The following LMX1A variants were observed in gnomAD, a reference collection of about 807,000 sequenced individuals.
LMX1A encodes LIM homeobox transcription factor 1 alpha, also known as LIM homeobox transcription factor 1-alpha.
Under a neutral mutation model 49.1 loss-of-function variants are expected in LMX1A, and 15 were observed. The ratio of observed to expected loss-of-function variants is 0.31; its 90% CI spans 0.20 to 0.47. LMX1A has a LOEUF of 0.47. LMX1A is among the 20% of genes least tolerant of loss of function. The pLI is 1.00. For synonymous variants in LMX1A, 167 were observed against 185.7 expected, an observed-to-expected ratio of 0.90 and a Z score of 0.82; for missense variants, 372 against 475.8, an observed-to-expected ratio of 0.78 and a Z score of 2.03.
Position 165,349,924 on chromosome 1 carries a change from T to C in LMX1A, c.263+3152A>G, listed in dbSNP as rs114914280. On this transcript the variant is annotated intron_variant, in intron 3 of 8. Transcript: ENST00000342310. ...ATACAGATGGCTAAGATAAATGTGA[T>C]AAACTTGCTTTGTTAATATTATGCC... 7.2e-3 allele frequency among the ~76,000 whole-genome samples: 1,098 copies of C among 152,290 alleles called. 14 individuals are homozygous for C. The highest frequency in any genetic ancestry group is 0.025 in the African/African-American group (1,025 of 41,546).
At chr1:165,251,449 G>C (rs144536111) in intron 3 of LMX1A, among the ~76,000 whole-genome samples, 1 of 152,142 alleles carries the variant, frequency 6.6e-6, no homozygotes, top group Admixed American at 6.5e-5. Flanking sequence ...ATGAAAAGTG[G>C]AATGGAAATG....
intron 3 of LMX1A, among the ~76,000 whole-genome samples, chr1:165,307,299 T>C (rs919105456): frequency 6.6e-6 from 1 of 152,252 alleles, no homozygotes; most frequent in Non-Finnish European, 1.5e-5. Flanking sequence ...TTCACAGCTC[T>C]GTCCATCAAA....
chr1:165,224,494 T>C (rs373277323), intron 4 of LMX1A, among the ~76,000 whole-genome samples: 5 of 152,178 alleles, frequency 3.3e-5, no homozygotes, highest in African/African-American at 9.7e-5. Flanking sequence ...ATCTAGTTAA[T>C]GGTAAGAAAT....
At chr1:165,300,650 C>G (rs910291490) in intron 3 of LMX1A, among the ~76,000 whole-genome samples, 1 of 152,230 alleles carries the variant, frequency 6.6e-6, no homozygotes, top group African/African-American at 2.4e-5. Context: ...GTCCCCATGA[C>G]AGCTCCCTGG....
chr1:165,281,766 G>GTGTGTC (rs1553208524), intron 3 of LMX1A, among the ~76,000 whole-genome samples: 1 of 152,046 alleles, frequency 6.6e-6, no homozygotes, highest in African/African-American at 2.4e-5. Context: ...GTGTGTGTGT[G>GTGTGTC]TGTGTGTGTG....
chr1:165,208,917 G>A (rs553402237), intron 6 of LMX1A, among the ~76,000 whole-genome samples: 1 of 152,308 alleles, frequency 6.6e-6, no homozygotes, highest in African/African-American at 2.4e-5. Flanking sequence ...AGAGGGCTGG[G>A]ATTACAAGCG....
At chr1:165,218,732 CT>C (rs1453121412) in intron 4 of LMX1A, 1 of 152,196 alleles carries the variant, frequency 6.6e-6, no homozygotes, top group Non-Finnish European at 1.5e-5. Context: ...AAGAGGAGTA[CT>C]GGAGAGCAGA....
chr1:165,206,154 C>G, intron 7 of LMX1A, 120 bp from the exon 8 acceptor site: 3 of 899,780 alleles, frequency 3.3e-6, no homozygotes. Flanking sequence ...GTGGTCCCAG[C>G]CTTTGTCCTA....
chr1:165,218,944 C>T (rs1419622049), intron 4 of LMX1A: 1 of 152,268 alleles, frequency 6.6e-6, no homozygotes, highest in Non-Finnish European at 1.5e-5. Context: ...GCCGTTTAGA[C>T]ACAAACGCAG....
chr1:165,235,428 A>T (rs1428936214), intron 4 of LMX1A, among the ~76,000 whole-genome samples: 2 of 150,898 alleles, frequency 1.3e-5, no homozygotes, highest in Non-Finnish European at 3.0e-5. Flanking sequence ...ACACACTCAC[A>T]CTCACACACA....
chr1:165,218,130 A>T (rs1225478441), intron 4 of LMX1A, among the ~76,000 whole-genome samples: 1 of 152,232 alleles, frequency 6.6e-6, no homozygotes, highest in African/African-American at 2.4e-5. Flanking sequence ...CCTGCATACC[A>T]TAGTTTGCTG....
intron 3 of LMX1A, among the ~76,000 whole-genome samples, chr1:165,285,680 G>T (rs1219222792): frequency 6.6e-6 from 1 of 152,206 alleles, no homozygotes; most frequent in Non-Finnish European, 1.5e-5. Context: ...ATGGACTAGG[G>T]CTTAGGCTAG....
At chr1:165,218,148 C>T (rs1285579636) in intron 4 of LMX1A, among the ~76,000 whole-genome samples, 6 of 152,210 alleles carry the variant, frequency 3.9e-5, no homozygotes, top group Non-Finnish European at 8.8e-5. Flanking sequence ...CTGACCCCTG[C>T]CCTAGACCTC....
chr1:165,240,781 A>G (rs1002812535), intron 4 of LMX1A, among the ~76,000 whole-genome samples: 3 of 152,204 alleles, frequency 2.0e-5, no homozygotes, highest in African/African-American at 7.2e-5. Flanking sequence ...AGAAAAGTCA[A>G]GTCGACTCCG....
chr1:165,279,227 G>T (rs1390642313), intron 3 of LMX1A, among the ~76,000 whole-genome samples: 10 of 152,220 alleles, frequency 6.6e-5, no homozygotes, highest in Non-Finnish European at 1.3e-4. Flanking sequence ...GGGCTCCTGT[G>T]GTTGTGAGAA....
chr1:165,227,129 T>C (rs1652063883), intron 4 of LMX1A, among the ~76,000 whole-genome samples: 1 of 152,088 alleles, frequency 6.6e-6, no homozygotes, highest in Non-Finnish European at 1.5e-5. Context: ...TTTAAATAAA[T>C]TTAAAATAAA....
In LMX1A at chr1:165,205,856, C is replaced by A. The variant is rs188490327; in HGVS notation, c.988+8G>T. ...TGAGAGGGCCCGAGGGGCTTAAGTC[C>A]CTCTTACCATAAGGGTGCATGTGGT... On this transcript the variant is annotated splice_region_variant and intron_variant, in intron 8 of 8. Coordinates refer to ENST00000342310, the MANE Select transcript of LMX1A (RefSeq NM_177398.4). 2 of 1,613,524 alleles carry A rather than the reference C, an allele frequency of 1.2e-6. No individual in the cohort carries two copies. Among genetic ancestry groups the A allele is most frequent in the Non-Finnish European group, 1.7e-6 (2 of 1,179,852 alleles).
intron 3 of LMX1A, among the ~76,000 whole-genome samples, chr1:165,276,798 A>C (rs531494121): frequency 6.6e-6 from 1 of 152,354 alleles, no homozygotes; most frequent in East Asian, 1.9e-4. Flanking sequence ...AAGATAATGC[A>C]TGTGAACATA....
rs1330390 is a variant in LMX1A, at chr1:165,347,868, C to A, written c.263+5208G>T. On this transcript the variant is annotated intron_variant, in intron 3 of 8. Transcript: ENST00000342310. ...TTTCTCCCTTCTAAACACTATGACC[C>A]AAATAATTTCTTTGACCATAAAAGA... Among the ~76,000 whole-genome samples, 23 of 152,064 alleles carry A rather than the reference C, an allele frequency of 1.5e-4. No individual in the cohort carries two copies. In the East Asian group the frequency reaches 1.9e-3, roughly 13 times the overall value.
Sources: allele counts gnomAD v4.1 joint callset (sites outside exome capture counted in the v4.1 genomes callset), GRCh38; gene constraint gnomAD v4.1.1; transcripts MANE v1.5; gene names NCBI Gene and HGNC (gene_info 2026-07-23, HGNC 2026-07-21).